The following FARS2 variants were observed in gnomAD, a reference collection of about 807,000 sequenced individuals.
The protein encoded by FARS2 is phenylalanine--tRNA ligase, mitochondrial.
FARS2 carries 40 observed loss-of-function variants against 46.4 expected under a neutral mutation model. The ratio of observed to expected loss-of-function variants is 0.86; its 90% CI spans 0.67 to 1.12. FARS2 has a LOEUF of 1.12. Ranked by LOEUF, FARS2 falls within the 50% of genes most tolerant of loss-of-function variation. FARS2 has a pLI of 0.00. For synonymous variants in FARS2, 234 were observed against 214.9 expected, an observed-to-expected ratio of 1.09 and a Z score of -0.78; for missense variants, 513 against 567.9, an observed-to-expected ratio of 0.90 and a Z score of 0.98.
intron 6 of FARS2, among the ~76,000 whole-genome samples, chr6:5,679,308 C>A (rs1778913162): frequency 6.6e-6 from 1 of 152,138 alleles, no homozygotes; most frequent in Non-Finnish European, 1.5e-5. Flanking sequence ...GTGATACCAG[C>A]CTCTGGAACA....
intron 3 of FARS2, among the ~76,000 whole-genome samples, chr6:5,425,295 T>C (rs1012005836): frequency 1.3e-5 from 2 of 152,182 alleles, no homozygotes; most frequent in African/African-American, 4.8e-5. Context: ...GGAAGGCAGT[T>C]CTGATAGGAA....
intron 5 of FARS2, among the ~76,000 whole-genome samples, chr6:5,601,920 A>G (rs1423829761): frequency 2.6e-5 from 4 of 152,216 alleles, no homozygotes; most frequent in Non-Finnish European, 1.5e-5. Context: ...AAACGTGGCC[A>G]TGGTTAGAAG....
intron 4 of FARS2, among the ~76,000 whole-genome samples, chr6:5,490,140 C>T (rs956964043): frequency 3.3e-5 from 5 of 152,130 alleles, no homozygotes; most frequent in Non-Finnish European, 7.3e-5. Context: ...TATATATGGA[C>T]TTGGATAATA....
intron 5 of FARS2, among the ~76,000 whole-genome samples, chr6:5,556,382 G>T (rs1209611682): frequency 6.6e-6 from 1 of 151,980 alleles, no homozygotes; most frequent in African/African-American, 2.4e-5. Context: ...AACATGCGCT[G>T]TTCTGAGAGC....
At chr6:5,643,615 C>T (rs1396753436) in intron 6 of FARS2, among the ~76,000 whole-genome samples, 1 of 152,156 alleles carries the variant, frequency 6.6e-6, no homozygotes, top group Non-Finnish European at 1.5e-5. Context: ...AACTGGCTGG[C>T]TCTCACTGAA....
intron 6 of FARS2, among the ~76,000 whole-genome samples, chr6:5,730,306 A>T (rs1260292721): frequency 1.3e-5 from 2 of 152,198 alleles, no homozygotes; most frequent in African/African-American, 4.8e-5. Flanking sequence ...TTGATTGAGG[A>T]TAGAGGAGAT....
intron 6 of FARS2, among the ~76,000 whole-genome samples, chr6:5,738,834 TG>T (rs1761115675): frequency 6.6e-6 from 1 of 152,116 alleles, no homozygotes; most frequent in African/African-American, 2.4e-5. Flanking sequence ...AAGAGTTGCG[TG>T]TGTATCGTTG....
At position 5,506,495 on chromosome 6, in the gene FARS2, T is replaced by A. The variant is rs2472870; in HGVS notation, c.905-38685T>A. 3.0e-3 allele frequency among the ~76,000 whole-genome samples: 452 copies of A among 152,280 alleles called. 12 individuals carry two copies. Among genetic ancestry groups the A allele is most frequent in the Admixed American group, 0.026 (399 of 15,298 alleles). ...TGGGCACAGCCTCTTAACCACCGAA[T>A]TGTCTTCTGTTTACAATTCTGCAGG... On this transcript the variant is annotated intron_variant, in intron 4 of 6. Coordinates refer to ENST00000274680, the MANE Select transcript of FARS2 (RefSeq NM_006567.5).
chr6:5,259,657 G>A (rs577748965), upstream of FARS2, among the ~76,000 whole-genome samples: 1 of 152,290 alleles, frequency 6.6e-6, no homozygotes, highest in South Asian at 2.1e-4. Flanking sequence ...GTGTTCCAAG[G>A]GTAGGCTCTG....
chr6:5,714,331 C>T (rs912088266), intron 6 of FARS2, among the ~76,000 whole-genome samples: 1 of 152,122 alleles, frequency 6.6e-6, no homozygotes, highest in African/African-American at 2.4e-5. Flanking sequence ...TTGAGCCAGT[C>T]TTCTAATGGC....
intron 5 of FARS2, among the ~76,000 whole-genome samples, chr6:5,571,175 C>T (rs1035414286): frequency 6.6e-6 from 1 of 152,084 alleles, no homozygotes; most frequent in African/African-American, 2.4e-5. Flanking sequence ...GAACCTCAAA[C>T]GTTATTTATT....
intron 3 of FARS2, among the ~76,000 whole-genome samples, chr6:5,416,912 A>G (rs990270232): frequency 2.0e-5 from 3 of 152,210 alleles, no homozygotes; most frequent in Admixed American, 6.5e-5. Flanking sequence ...GTGCCGTCAC[A>G]TATTTTAATT....
chr6:5,769,788 T>C (rs780692264), intron 6 of FARS2, among the ~76,000 whole-genome samples: 57 of 152,198 alleles, frequency 3.7e-4, no homozygotes, highest in Admixed American at 3.3e-4. Context: ...AGCCCTTCAG[T>C]GGTAACTTCC....
At chr6:5,553,781 T>TG (rs1475230179) in intron 5 of FARS2, among the ~76,000 whole-genome samples, 3 of 152,188 alleles carry the variant, frequency 2.0e-5, no homozygotes, top group Admixed American at 6.5e-5. Flanking sequence ...TCAGTGGGTC[T>TG]GGGGGGGTGC....
intron 1 of FARS2, among the ~76,000 whole-genome samples, chr6:5,323,543 A>G (rs1377607078): frequency 6.6e-6 from 1 of 152,198 alleles, no homozygotes; most frequent in Non-Finnish European, 1.5e-5. Flanking sequence ...TTGACTTTTG[A>G]TTATGAGTTT....
At chr6:5,326,473 C>T (rs1180854023) in intron 1 of FARS2, among the ~76,000 whole-genome samples, 1 of 152,078 alleles carries the variant, frequency 6.6e-6, no homozygotes, top group Non-Finnish European at 1.5e-5. Flanking sequence ...GGCTGCTGTC[C>T]CCAGGGCTTG....
intron 1 of FARS2, among the ~76,000 whole-genome samples, chr6:5,325,861 C>G (rs1402752327): frequency 6.6e-6 from 1 of 151,742 alleles, no homozygotes. Context: ...AAGTAAGTAC[C>G]AAAGTTGAAT....
chr6:5,523,054 C>A (rs1769241195), intron 4 of FARS2, among the ~76,000 whole-genome samples: 1 of 152,164 alleles, frequency 6.6e-6, no homozygotes. Context: ...ATTCAATGAG[C>A]TGGACTCAGC....
intron 4 of FARS2, among the ~76,000 whole-genome samples, chr6:5,542,029 T>C (rs1770669072): frequency 6.6e-6 from 1 of 152,202 alleles, no homozygotes; most frequent in Admixed American, 6.5e-5. Context: ...AAAATTAGCA[T>C]ATAACCAGCA....
Sources: gnomAD v4.1 joint callset for allele counts (sites outside exome capture counted in the v4.1 genomes callset) on GRCh38, gnomAD v4.1.1 for gene constraint, MANE v1.5 for transcripts, NCBI Gene and HGNC (gene_info 2026-07-23, HGNC 2026-07-21) for gene names.